The following DCC variants were observed in gnomAD, a reference collection of about 807,000 sequenced individuals.
DCC encodes the protein netrin receptor DCC.
Under a neutral mutation model 172.5 loss-of-function variants are expected in DCC, and 58 were observed. The ratio of observed to expected loss-of-function variants is 0.34; its 90% CI spans 0.27 to 0.42. DCC has a LOEUF of 0.42. Ranked by LOEUF, DCC falls within the 10% of genes least tolerant of loss-of-function variation. The pLI is 1.00. For synonymous variants in DCC, 709 were observed against 644.5 expected (o/e 1.10, Z -1.52); for missense variants, 1,740 against 1,791.0 (o/e 0.97, Z 0.51).
intron 15 of DCC, among the ~76,000 whole-genome samples, chr18:53,349,624 G>A (rs1019227596): frequency 2.6e-5 from 4 of 152,172 alleles, no homozygotes; most frequent in Non-Finnish European, 4.4e-5. Flanking sequence ...ATGTGGCTGG[G>A]GAAACCTCAC....
chr18:53,276,761 A>G (rs1014133248), intron 12 of DCC, among the ~76,000 whole-genome samples: 24 of 152,184 alleles, frequency 1.6e-4, no homozygotes, highest in African/African-American at 5.5e-4. Flanking sequence ...CAGTGGGATT[A>G]CATGAGAAAT....
intron 7 of DCC, among the ~76,000 whole-genome samples, chr18:53,113,775 G>C (rs1288460540): frequency 6.6e-6 from 1 of 151,084 alleles, no homozygotes; most frequent in Non-Finnish European, 1.5e-5. Context: ...TAAATCCCAG[G>C]TGTTAAACGG....
chr18:52,785,899 C>A (rs2037648197), intron 2 of DCC, among the ~76,000 whole-genome samples: 1 of 152,030 alleles, frequency 6.6e-6, no homozygotes, highest in Non-Finnish European at 1.5e-5. Flanking sequence ...ATTTTTAGGA[C>A]AAGTATTTAC....
chr18:52,555,467 A>G (rs1321967226), intron 1 of DCC, among the ~76,000 whole-genome samples: 8 of 152,108 alleles, frequency 5.3e-5, no homozygotes, highest in Admixed American at 3.9e-4. Context: ...GAAGAAAGCA[A>G]TGTACATTTT....
chr18:53,128,151 G>T (rs1220475779), intron 7 of DCC, among the ~76,000 whole-genome samples: 2 of 152,074 alleles, frequency 1.3e-5, no homozygotes, highest in African/African-American at 4.8e-5. Context: ...ACAATCATAT[G>T]TCTTAAAGGC....
In DCC at chr18:53,256,092, C is replaced by T. The variant is rs2056508450; in HGVS notation, c.1911+40495C>T. ...TTTTTCTTGTAAATTTGTTTGAGTT[C>T]ATTGTAGATTCTGGATATTAGCCCT... On this transcript the variant is annotated intron_variant, in intron 12 of 28. Coordinates refer to ENST00000442544, the MANE Select transcript of DCC (RefSeq NM_005215.4). 2.0e-5 allele frequency among the ~76,000 whole-genome samples: 3 copies of T among 152,046 alleles called. No individual in the cohort carries two copies. In the South Asian group the frequency reaches 6.2e-4, roughly 32 times the overall value.
At chr18:52,792,833 CT>C (rs1414624670) in intron 2 of DCC, among the ~76,000 whole-genome samples, 1 of 145,250 alleles carries the variant, frequency 6.9e-6, no homozygotes, top group Admixed American at 6.9e-5. Context: ...CTATTCCATT[CT>C]ATTCCATTCC....
At chr18:52,409,781 T>C (rs1044856203) in intron 1 of DCC, among the ~76,000 whole-genome samples, 1 of 152,170 alleles carries the variant, frequency 6.6e-6, no homozygotes, top group African/African-American at 2.4e-5. Context: ...TAATTATTAA[T>C]GTCATGACTG....
At chr18:52,351,938 C>A (rs1984140738) in intron 1 of DCC, among the ~76,000 whole-genome samples, 1 of 152,184 alleles carries the variant, frequency 6.6e-6, no homozygotes, top group African/African-American at 2.4e-5. Context: ...CCATCTACCA[C>A]TGGATGTTGC....
intron 22 of DCC, among the ~76,000 whole-genome samples, chr18:53,436,319 A>G (rs1911937590): frequency 6.6e-6 from 1 of 152,204 alleles, no homozygotes; most frequent in Admixed American, 6.5e-5. Flanking sequence ...GCTGTACAGT[A>G]TTCTATTTTA....
chr18:53,003,057 A>G (rs2041590503), intron 5 of DCC, among the ~76,000 whole-genome samples: 1 of 152,062 alleles, frequency 6.6e-6, no homozygotes. Flanking sequence ...CTTTAGGGGG[A>G]AAAGTTGGTA....
At chr18:52,468,582 T>C (rs1288667900) in intron 1 of DCC, among the ~76,000 whole-genome samples, 2 of 152,228 alleles carry the variant, frequency 1.3e-5, no homozygotes, top group Admixed American at 6.5e-5. Context: ...GGCTTATTAA[T>C]AGTTAATATG....
intron 7 of DCC, among the ~76,000 whole-genome samples, chr18:53,136,001 G>C (rs551933087): frequency 6.6e-6 from 1 of 152,128 alleles, no homozygotes; most frequent in Non-Finnish European, 1.5e-5. Flanking sequence ...TAATTACTGA[G>C]AGCCATTCAC....
intron 2 of DCC, among the ~76,000 whole-genome samples, chr18:52,848,235 C>T (rs927921265): frequency 3.3e-5 from 5 of 151,932 alleles, no homozygotes; most frequent in African/African-American, 1.2e-4. Flanking sequence ...CAGGCATCTG[C>T]CACCATGCCC....
chr18:53,106,720 A>G (rs2043253158), intron 7 of DCC, among the ~76,000 whole-genome samples: 1 of 151,926 alleles, frequency 6.6e-6, no homozygotes, highest in Non-Finnish European at 1.5e-5. Context: ...TTTATTGAGA[A>G]TGTAAAGGAA....
In DCC at chr18:52,985,668, C is replaced by CT. The variant is rs533173866; in HGVS notation, c.985+60307dup. ...TTTTCAGCCATCTTATTTACTATGT[C>CT]TTTTTTTTTCCCTTAAAACCATTAT... On this transcript the variant is annotated intron_variant, in intron 5 of 28. Transcript: ENST00000442544. Among the ~76,000 whole-genome samples the CT allele has an allele frequency of 7.2e-4, 108 of 151,012 alleles. 1 individual carries two copies. The highest frequency in any genetic ancestry group is 2.1e-3 in the Admixed American group (32 of 15,134).
At chr18:53,013,366 C>T (rs2041759174) in intron 5 of DCC, among the ~76,000 whole-genome samples, 1 of 151,964 alleles carries the variant, frequency 6.6e-6, no homozygotes, top group South Asian at 2.1e-4. Flanking sequence ...ACTACACAGC[C>T]ATAAAAAATG....
At chr18:53,357,575 C>T (rs953566980) in intron 15 of DCC, among the ~76,000 whole-genome samples, 13 of 152,144 alleles carry the variant, frequency 8.5e-5, no homozygotes, top group Admixed American at 2.0e-4. Context: ...CAAAGTGCAT[C>T]ATAAGTATTG....
intron 2 of DCC, among the ~76,000 whole-genome samples, chr18:52,866,796 GT>G (rs2039235862): frequency 1.3e-5 from 2 of 152,122 alleles, no homozygotes; most frequent in Non-Finnish European, 1.5e-5. Context: ...AGACTATGGG[GT>G]TTTCTAAATA....
Sources: gnomAD v4.1 joint callset for allele counts (sites outside exome capture counted in the v4.1 genomes callset) on GRCh38, gnomAD v4.1.1 for gene constraint, MANE v1.5 for transcripts, NCBI Gene and HGNC (gene_info 2026-07-23, HGNC 2026-07-21) for gene names.